MED13L: variants seen among roughly 807,000 people sequenced by gnomAD.
The protein encoded by MED13L is mediator complex subunit 13L, also known as mediator of RNA polymerase II transcription subunit 13-like.
Under a neutral mutation model 220.9 loss-of-function variants are expected in MED13L, and 7 were observed. The observed-to-expected ratio is 0.03, with a 90% CI of 0.02 to 0.06. MED13L has a LOEUF of 0.06. Among genes scored for constraint, MED13L ranks in the 10% least tolerant of loss-of-function variants. MED13L has a pLI of 1.00. For synonymous variants in MED13L, 1,011 were observed against 1,015.2 expected (o/e 1.00, Z 0.08); for missense variants, 1,965 against 2,760.5 (o/e 0.71, Z 6.46).
intron 2 of MED13L, among the ~76,000 whole-genome samples, chr12:116,166,723 C>T (rs1879308359): frequency 6.6e-6 from 1 of 152,154 alleles, no homozygotes; most frequent in South Asian, 2.1e-4. Flanking sequence ...TACCTGCCTC[C>T]TACCCTGCCA....
intron 2 of MED13L, among the ~76,000 whole-genome samples, chr12:116,125,921 G>A (rs936238508): frequency 5.3e-5 from 8 of 152,248 alleles, no homozygotes; most frequent in Admixed American, 5.2e-4. Context: ...GCTCTTAATA[G>A]AATCACAAAT....
intron 4 of MED13L, among the ~76,000 whole-genome samples, chr12:116,047,167 G>A (rs1487657829): frequency 1.3e-5 from 2 of 151,962 alleles, no homozygotes; most frequent in African/African-American, 4.8e-5. Context: ...CTGAGCAAAA[G>A]AGCAAGACCC....
At chr12:116,124,445 G>T (rs902573870) in intron 2 of MED13L, among the ~76,000 whole-genome samples, 1 of 151,834 alleles carries the variant, frequency 6.6e-6, no homozygotes, top group Non-Finnish European at 1.5e-5. Flanking sequence ...TTCACTATAG[G>T]ACTAGAAAAT....
Position 115,959,628 on chromosome 12 carries a change from T to C in MED13L, c.*1638A>G, listed in dbSNP as rs895637339. The C allele has an allele frequency of 6.6e-5, 10 of 152,636 alleles. No individual in the cohort carries two copies. Among genetic ancestry groups the C allele is most frequent in the African/African-American group, 2.2e-4 (9 of 41,464 alleles). The allele number at this position is 152,636 out of a possible 1,614,324, so 9.5% of individuals were successfully genotyped here. On this transcript the variant is annotated 3_prime_UTR_variant, in exon 31 of 31. Transcript: ENST00000281928. ...ACTGTACACATTAGATACAAATGGT[T>C]TGATATATCAGATTTTTTATCCTAT...
chr12:116,043,674 C>A (rs1465944321), intron 4 of MED13L, among the ~76,000 whole-genome samples: 1 of 152,148 alleles, frequency 6.6e-6, no homozygotes, highest in East Asian at 1.9e-4. Flanking sequence ...TGTGTGCATG[C>A]ATGTATCTAT....
Position 116,167,626 on chromosome 12 carries a change from G to A in MED13L, c.311-56114C>T, listed in dbSNP as rs150425230. On this transcript the variant is annotated intron_variant, in intron 2 of 30. Coordinates refer to ENST00000281928, the MANE Select transcript of MED13L (RefSeq NM_015335.5). ...ATATTCTGTGTACTATACTCCATTA[G>A]GACATGAGTGCTGTGGAGAGACCTA... Among the ~76,000 whole-genome samples, 12 of 152,268 alleles carry A rather than the reference G, an allele frequency of 7.9e-5. No individual in the cohort carries two copies. The East Asian group carries it at 2.3e-3, about 29-fold the overall frequency.
intron 4 of MED13L, among the ~76,000 whole-genome samples, chr12:116,031,450 G>A (rs1880729723): frequency 1.3e-5 from 2 of 151,248 alleles, no homozygotes; most frequent in African/African-American, 2.4e-5. Flanking sequence ...AAATTAGCCT[G>A]GCATGGTGGC....
chr12:116,011,476 TAAGGA>T (rs1879396551), intron 9 of MED13L, among the ~76,000 whole-genome samples: 2 of 152,150 alleles, frequency 1.3e-5, no homozygotes, highest in Non-Finnish European at 1.5e-5. Context: ...AAATCTGGGC[TAAGGA>T]AAGAGCAGGG....
intron 2 of MED13L, among the ~76,000 whole-genome samples, chr12:116,148,100 G>A (rs1469983133): frequency 5.6e-5 from 8 of 142,808 alleles, no homozygotes; most frequent in Admixed American, 2.1e-4. Context: ...GGAGGGGGGC[G>A]GGGGTTCAAG....
At chr12:116,260,854 C>T (rs1217636674) in intron 1 of MED13L, among the ~76,000 whole-genome samples, 1 of 152,128 alleles carries the variant, frequency 6.6e-6, no homozygotes, top group Non-Finnish European at 1.5e-5. Context: ...ACGAGAATAT[C>T]CCAAAGCAGA....
chr12:116,124,778 A>G, intron 2 of MED13L, among the ~76,000 whole-genome samples: 1 of 152,214 alleles, frequency 6.6e-6, no homozygotes, highest in East Asian at 1.9e-4. Flanking sequence ...GACAACATAT[A>G]AAGTCAGTTT....
intron 26 of MED13L, 125 bp downstream of exon 26, chr12:115,971,953 C>T (rs559151332): frequency 2.6e-6 from 3 of 1,150,952 alleles, no homozygotes; most frequent in Admixed American, 4.0e-5. Context: ...ATCTTTAAGC[C>T]CCAAATACAA....
chr12:116,088,070 T>A (rs1273892299), intron 4 of MED13L, among the ~76,000 whole-genome samples: 1 of 152,100 alleles, frequency 6.6e-6, no homozygotes, highest in Non-Finnish European at 1.5e-5. Context: ...AGGAAGATCC[T>A]GGGGGAGGGG....
intron 2 of MED13L, among the ~76,000 whole-genome samples, chr12:116,119,840 T>A (rs796641037): frequency 0.019 from 1,518 of 81,964 alleles, 4 homozygotes; most frequent in Non-Finnish European, 0.024. Flanking sequence ...AAAAAAAAAA[T>A]ATATATATAT....
intron 2 of MED13L, among the ~76,000 whole-genome samples, chr12:116,199,806 T>G (rs148296451): frequency 3.9e-5 from 6 of 152,254 alleles, no homozygotes; most frequent in African/African-American, 1.4e-4. Flanking sequence ...AACACCATAC[T>G]TCCAACATTT....
chr12:116,221,507 T>C (rs1048566550), intron 2 of MED13L, among the ~76,000 whole-genome samples: 11 of 152,310 alleles, frequency 7.2e-5, no homozygotes, highest in African/African-American at 2.4e-4. Flanking sequence ...CCACAATGCC[T>C]AGTACCTATG....
rs554710017 is a variant in MED13L at position 116,258,505 on chromosome 12, G to A, written c.72+18555C>T. 5.3e-5 allele frequency among the ~76,000 whole-genome samples: 8 copies of A among 152,178 alleles called. No homozygotes were observed. In the East Asian group the frequency reaches 9.7e-4, roughly 18 times the overall value. The stretch of plus-strand genomic sequence containing the variant: ...AAAAAGAAAAAGAACGGCCGGACAC[G>A]GTAGCTCACACCTGTAATCCCAGCA... On this transcript the variant is annotated intron_variant, in intron 1 of 30. Transcript: ENST00000281928.
At chr12:115,995,374 T>C (rs1436691399) in intron 16 of MED13L, among the ~76,000 whole-genome samples, 5 of 152,208 alleles carry the variant, frequency 3.3e-5, no homozygotes, top group Admixed American at 2.0e-4. Flanking sequence ...AATCACTTTA[T>C]TTATTAAGAA....
intron 10 of MED13L, 138 bp from the exon 11 acceptor site, chr12:116,007,774 A>C (rs1027337214): frequency 4.2e-6 from 3 of 721,150 alleles, no homozygotes; most frequent in South Asian, 3.7e-5. Context: ...TGATTAAATA[A>C]AAATTAGCAT....
Sources: allele counts gnomAD v4.1 joint callset (sites outside exome capture counted in the v4.1 genomes callset), GRCh38; gene constraint gnomAD v4.1.1; transcripts MANE v1.5; gene names NCBI Gene and HGNC (gene_info 2026-07-23, HGNC 2026-07-21).